CACNA1A: variants seen among roughly 807,000 people sequenced by gnomAD.
CACNA1A encodes the protein calcium voltage-gated channel subunit alpha1 A, also known as voltage-dependent P/Q-type calcium channel subunit alpha-1A.
A neutral mutation model predicts 262.4 loss-of-function variants in CACNA1A; 57 were observed. The ratio of observed to expected loss-of-function variants is 0.22; its 90% CI spans 0.18 to 0.27. CACNA1A has a LOEUF of 0.27. CACNA1A is among the 10% of genes least tolerant of loss of function. The probability of loss-of-function intolerance (pLI) is 1.00; values close to 1 mark genes in which losing one functional copy is unlikely to be tolerated. For synonymous variants in CACNA1A, 1,431 were observed against 1,419.3 expected (o/e 1.01, Z -0.18); for missense variants, 2,526 against 3,562.8 (o/e 0.71, Z 7.41).
At chr19:13,453,121 C>T in intron 2 of CACNA1A, 106 bp from the exon 3 acceptor site, 14 of 1,140,030 alleles carry the variant, frequency 1.2e-5, no homozygotes, top group Non-Finnish European at 1.8e-5. Context: ...TCTCACTTCC[C>T]CTGACCCTCC....
At chr19:13,378,646 ATTTATTTATT>A (rs1304618350) in intron 3 of CACNA1A, among the ~76,000 whole-genome samples, 1 of 47,930 alleles carries the variant, frequency 2.1e-5, no homozygotes, top group Non-Finnish European at 4.6e-5. Flanking sequence ...GTAATAAAAC[ATTTATTTATT>A]TATTTATTTA....
intron 11 of CACNA1A, among the ~76,000 whole-genome samples, chr19:13,313,775 C>T (rs2058078533): frequency 6.6e-6 from 1 of 152,102 alleles, no homozygotes; most frequent in Non-Finnish European, 1.5e-5. Context: ...CCCCATAATG[C>T]CAGGGTGCTG....
At chr19:13,388,127 C>T (rs1261473831) in intron 3 of CACNA1A, among the ~76,000 whole-genome samples, 3 of 150,560 alleles carry the variant, frequency 2.0e-5, no homozygotes, top group Admixed American at 6.7e-5. Context: ...GGAGCAGAAC[C>T]ACTTCCCATA....
intron 3 of CACNA1A, among the ~76,000 whole-genome samples, chr19:13,382,741 G>A (rs1315087338): frequency 6.6e-6 from 1 of 152,168 alleles, no homozygotes; most frequent in Non-Finnish European, 1.5e-5. Flanking sequence ...GGTGTAATGA[G>A]GGCTGGAACT....
rs373906879 is a variant in CACNA1A, at chr19:13,300,032, C to T, written c.2279+518G>A. The stretch of plus-strand genomic sequence containing the variant: ...GATCTGACGGCAGGTGGAGCTCAGG[C>T]GGTAATGCTTGCTTGCTCACTGTTC... On this transcript the variant is annotated intron_variant, in intron 18 of 46. Transcript: ENST00000360228. Among the ~76,000 whole-genome samples, 20 of 152,286 alleles carry T rather than the reference C, an allele frequency of 1.3e-4. No individual in the cohort carries two copies. In the East Asian group the frequency reaches 1.9e-3, roughly 15 times the overall value.
chr19:13,474,556 C>T (rs542434966), intron 1 of CACNA1A, among the ~76,000 whole-genome samples: 74 of 152,298 alleles, frequency 4.9e-4, no homozygotes, highest in Non-Finnish European at 8.7e-4. Flanking sequence ...TGGTGGCTTA[C>T]GCCTGTAATC....
chr19:13,455,334 A>G, intron 1 of CACNA1A, 122 bp from the exon 2 acceptor site: 1 of 605,006 alleles, frequency 1.7e-6, no homozygotes, highest in Non-Finnish European at 3.1e-6. Flanking sequence ...TCATCAGCAC[A>G]GGTGGAATTA....
intron 6 of CACNA1A, among the ~76,000 whole-genome samples, chr19:13,352,930 G>C (rs1244955679): frequency 6.6e-6 from 1 of 152,038 alleles, no homozygotes; most frequent in East Asian, 1.9e-4. Flanking sequence ...CCGCCACCAT[G>C]CCTGGCTAAT....
At chr19:13,467,095 G>C (rs1377590440) in intron 1 of CACNA1A, among the ~76,000 whole-genome samples, 1 of 152,040 alleles carries the variant, frequency 6.6e-6, no homozygotes, top group Non-Finnish European at 1.5e-5. Flanking sequence ...CCCTGTTTCT[G>C]TCTGGGAGAA....
At chr19:13,232,347 G>A (rs1294033685) in intron 34 of CACNA1A, among the ~76,000 whole-genome samples, 1 of 151,672 alleles carries the variant, frequency 6.6e-6, no homozygotes, top group African/African-American at 2.4e-5. Flanking sequence ...ACAGGCACAC[G>A]CCACCACTCC....
rs1258280470 is a variant in CACNA1A, at chr19:13,212,770, G to T, written c.5941-30C>A. The T allele has an allele frequency of 1.6e-6, 2 of 1,272,792 alleles. No homozygotes were observed. Among genetic ancestry groups the T allele is most frequent in the Non-Finnish European group, 2.1e-6 (2 of 932,658 alleles). The allele number at this position is 1,272,792 out of a possible 1,614,324, so 78.8% of individuals were successfully genotyped here. A position where few individuals can be genotyped will look rare whatever the true frequency, so the allele number is the denominator to read the frequency against. The stretch of plus-strand genomic sequence containing the variant: ...GGAATGGGGCAGAGAGCAGTGTGTG[G>T]ACAAGGGTGGGGTGGTGGGACGGTG... On this transcript the variant is annotated intron_variant, in intron 40 of 46. Coordinates refer to ENST00000360228, the MANE Select transcript of CACNA1A (RefSeq NM_001127222.2). The surrounding 1 kb of genome is among the most constrained non-coding windows in gnomAD (Gnocchi z 5.6).
At chr19:13,488,998 CTTTTCT>C (rs1235623027) in intron 1 of CACNA1A, among the ~76,000 whole-genome samples, 6 of 102,672 alleles carry the variant, frequency 5.8e-5, no homozygotes, top group African/African-American at 2.4e-4. Flanking sequence ...AATTTCTTTT[CTTTTCT>C]TTTTTTTTTT....
intron 1 of CACNA1A, among the ~76,000 whole-genome samples, chr19:13,498,982 T>C (rs1284484678): frequency 6.6e-6 from 1 of 152,186 alleles, no homozygotes; most frequent in Admixed American, 6.5e-5. Flanking sequence ...TGCCCACTCA[T>C]GGTTCCCTCG....
At chr19:13,313,072 G>A (rs1157730010) in intron 11 of CACNA1A, among the ~76,000 whole-genome samples, 1 of 151,820 alleles carries the variant, frequency 6.6e-6, no homozygotes, top group Non-Finnish European at 1.5e-5. Context: ...TGTTGCCCTG[G>A]CTGGTCTTGA....
At chr19:13,225,875 T>C (rs1338299445) in intron 37 of CACNA1A, 3 of 152,104 alleles carry the variant, frequency 2.0e-5, no homozygotes, top group Non-Finnish European at 4.4e-5. Context: ...TTTTTCTTTT[T>C]GTAGAGATGG....
chr19:13,484,063 G>C (rs1054036593), intron 1 of CACNA1A, among the ~76,000 whole-genome samples: 4 of 152,124 alleles, frequency 2.6e-5, no homozygotes, highest in Non-Finnish European at 5.9e-5. Context: ...GAGTAATTGG[G>C]ATTGGGCTGA....
In CACNA1A at chr19:13,247,741, T is replaced by TAAATAAATAAATAAAA. The variant is rs1199585913; in HGVS notation, c.4867-2477_4867-2476insTTTTATTTATTTATTT. Among the ~76,000 whole-genome samples the TAAATAAATAAATAAAA allele has an allele frequency of 6.8e-3, 1,031 of 151,602 alleles. 14 individuals are homozygous for TAAATAAATAAATAAAA. Among genetic ancestry groups the TAAATAAATAAATAAAA allele is most frequent in the African/African-American group, 0.023 (945 of 41,368 alleles). ...ATAAATAAATAAATAAATAAATAAATAAAAAGGAATTCAGGTCCCACTGGC... is the reference window on the plus strand; with the variant it reads ...ATAAATAAATAAATAAATAAATAAATAAATAAATAAATAAAAAAAAAGGAATTCAGGTCCCACTGGC... On this transcript the variant is annotated intron_variant, in intron 30 of 46. Coordinates refer to ENST00000360228, the MANE Select transcript of CACNA1A (RefSeq NM_001127222.2).
intron 1 of CACNA1A, among the ~76,000 whole-genome samples, chr19:13,479,206 A>G (rs1978945728): frequency 6.6e-6 from 1 of 152,132 alleles, no homozygotes; most frequent in African/African-American, 2.4e-5. Context: ...GAATAAAATC[A>G]CCTTCCCTTG....
intron 1 of CACNA1A, among the ~76,000 whole-genome samples, chr19:13,463,089 C>T (rs570492223): frequency 6.6e-6 from 1 of 151,736 alleles, no homozygotes; most frequent in African/African-American, 2.4e-5. Flanking sequence ...GCTGGTGGTC[C>T]CCAAAGACCA....
Sources: gnomAD v4.1 joint callset for allele counts (sites outside exome capture counted in the v4.1 genomes callset) on GRCh38, gnomAD v4.1.1 for gene constraint, Gnocchi (gnomAD v3.1) non-coding constraint, MANE v1.5 for transcripts, NCBI Gene and HGNC (gene_info 2026-07-23, HGNC 2026-07-21) for gene names.